Variants in KCNQ1 observed in about 807,000 individuals in gnomAD.
KCNQ1 encodes potassium voltage-gated channel subfamily Q member 1.
Under a neutral mutation model 72.4 loss-of-function variants are expected in KCNQ1, and 49 were observed. The observed-to-expected ratio is 0.68, with a 90% CI of 0.54 to 0.86. The LOEUF (loss-of-function observed/expected upper bound fraction) is 0.86. Among genes scored for constraint, KCNQ1 ranks in the 40% least tolerant of loss-of-function variants. The pLI is 0.00. For synonymous variants in KCNQ1, 450 were observed against 412.6 expected, an observed-to-expected ratio of 1.09 and a Z score of -1.10; for missense variants, 790 against 945.1, an observed-to-expected ratio of 0.84 and a Z score of 2.15.
chr11:2,745,281 G>A lies in KCNQ1; in HGVS notation c.1515-23563G>A, dbSNP rs1278763014. 6.6e-6 allele frequency among the ~76,000 whole-genome samples: 1 copy of A among 152,136 alleles called. No individual in the cohort carries two copies. Among genetic ancestry groups the A allele is most frequent in the East Asian group, 1.9e-4 (1 of 5,200 alleles). On this transcript the variant is annotated intron_variant, in intron 11 of 15. Coordinates refer to ENST00000155840, the MANE Select transcript of KCNQ1 (RefSeq NM_000218.3). This position sits in a 1 kb window ranked among gnomAD's most constrained non-coding sequence, Gnocchi z 6.2. ...GTTGCGTTTTCTCCTCCAAGAACAA[G>A]GAGTCTCTCTGCATTGAGTCAGGCC...
chr11:2,461,867 C>T lies in KCNQ1; in HGVS notation c.386+16383C>T, dbSNP rs138995771. 1.0e-3 allele frequency: 509 copies of T among 492,320 alleles called. 3 individuals are homozygous for T. The highest frequency in any genetic ancestry group is 9.7e-3 in the African/African-American group (478 of 49,368). The allele number at this position is 492,320 out of a possible 1,614,324, so 30.5% of individuals were successfully genotyped here. A position where few individuals can be genotyped will look rare whatever the true frequency, so the allele number is the denominator to read the frequency against. Reference sequence around the variant, plus strand: ...GTGGAGAGAGAAAGGGGTGGGTGGACGGAGGGATGGGCAGGGAGAGAAATG... The same window carrying T: ...GTGGAGAGAGAAAGGGGTGGGTGGATGGAGGGATGGGCAGGGAGAGAAATG... On this transcript the variant is annotated intron_variant, in intron 1 of 15. Transcript: ENST00000155840.
intron 11 of KCNQ1, chr11:2,688,011 C>G (rs1850520859): frequency 5.0e-6 from 2 of 398,626 alleles, no homozygotes; most frequent in Non-Finnish European, 8.8e-6. Flanking sequence ...GAGGGGTCAG[C>G]ACCCCTCTAG....
Position 2,494,746 on chromosome 11 carries a change from A to G in KCNQ1, c.387-33182A>G, listed in dbSNP as rs973513941. On this transcript the variant is annotated intron_variant, in intron 1 of 15. Coordinates refer to ENST00000155840, the MANE Select transcript of KCNQ1 (RefSeq NM_000218.3). This position sits in a 1 kb window ranked among gnomAD's most constrained non-coding sequence, Gnocchi z 4.6. The stretch of plus-strand genomic sequence containing the variant: ...GTGCTGCTGGATTCAGTTTGCCAGT[A>G]TTTTATTGAAGATTTTTGCATCGGT... 1.3e-5 allele frequency among the ~76,000 whole-genome samples: 2 copies of G among 152,140 alleles called. No individual in the cohort carries two copies. Among genetic ancestry groups the G allele is most frequent in the Non-Finnish European group, 2.9e-5 (2 of 68,032 alleles).
chr11:2,642,401 G>T lies in KCNQ1; in HGVS notation c.1394-19560G>T, dbSNP rs959790375. 3 of 397,828 alleles carry T rather than the reference G, an allele frequency of 7.5e-6. No homozygotes were observed. The highest frequency in any genetic ancestry group is 1.3e-5 in the Non-Finnish European group (3 of 225,754). The allele number at this position is 397,828 out of a possible 1,614,324, so 24.6% of individuals were successfully genotyped here. ...TAATGCCTTCTTGATTTCTTTCTCA[G>T]CTGGTTCTTTATTGGTATATAGAAA... is the stretch of plus-strand genomic sequence containing the variant. On this transcript the variant is annotated intron_variant, in intron 10 of 15. Transcript: ENST00000155840. The surrounding 1 kb of genome is among the most constrained non-coding windows in gnomAD (Gnocchi z 4.3).
intron 1 of KCNQ1, among the ~76,000 whole-genome samples, chr11:2,470,115 C>T (rs1358957720): frequency 2.0e-5 from 3 of 152,206 alleles, no homozygotes; most frequent in African/African-American, 7.2e-5. Context: ...CGCATGTCAC[C>T]ACGCCCGGCT....
rs11023862 is a variant in KCNQ1, at chr11:2,711,368, G to A, written c.1514+49287G>A. On this transcript the variant is annotated intron_variant, in intron 11 of 15. Transcript: ENST00000155840. This position sits in a 1 kb window ranked among gnomAD's most constrained non-coding sequence, Gnocchi z 5.4. ...GCTTCTTTGTGGTCTCCTGTCTTGC[G>A]CACTAATTGTTGCCCAAGTCTTTGC... 0.014 allele frequency among the ~76,000 whole-genome samples: 2,160 copies of A among 152,224 alleles called. 47 individuals are homozygous for A. Among genetic ancestry groups the A allele is most frequent in the African/African-American group, 0.049 (2,026 of 41,500 alleles).
intron 11 of KCNQ1, chr11:2,685,592 A>G (rs1177833871): frequency 5.0e-6 from 2 of 398,592 alleles, no homozygotes; most frequent in Non-Finnish European, 8.8e-6. Flanking sequence ...CATGACAGGA[A>G]GCTAGGAGGG....
chr11:2,789,625 AGGG>A (rs1846979583), intron 15 of KCNQ1, among the ~76,000 whole-genome samples: 1 of 152,324 alleles, frequency 6.6e-6, no homozygotes, highest in Non-Finnish European at 1.5e-5. Context: ...AAGGGAGGCC[AGGG>A]GACAGCTGCG....
intron 1 of KCNQ1, among the ~76,000 whole-genome samples, chr11:2,456,938 CAAAAA>C (rs58543586): frequency 2.7e-4 from 14 of 52,084 alleles, no homozygotes; most frequent in South Asian, 2.6e-3. Flanking sequence ...GACTCGGTCT[CAAAAA>C]AAAAAAAAAA....
rs571298726 is a variant in KCNQ1, at chr11:2,734,117, C to T, written c.1515-34727C>T. Among the ~76,000 whole-genome samples the T allele has an allele frequency of 2.0e-5, 3 of 152,256 alleles. No homozygotes were observed. The highest frequency in any genetic ancestry group is 7.2e-5 in the African/African-American group (3 of 41,540). ...GGCACAGTTTCAAGCTTGTCTAGCA[C>T]TGGCAGGGGTGGTCCTGCTCCGGCC... On this transcript the variant is annotated intron_variant, in intron 11 of 15. Transcript: ENST00000155840. The surrounding 1 kb of genome is among the most constrained non-coding windows in gnomAD (Gnocchi z 7.0).
rs1847548972 is a variant in KCNQ1 at position 2,813,992 on chromosome 11, A to G, written c.1795-33775A>G. Among the ~76,000 whole-genome samples the G allele has an allele frequency of 6.6e-6, 1 of 151,234 alleles. No individual in the cohort carries two copies. Among genetic ancestry groups the G allele is most frequent in the African/African-American group, 2.5e-5 (1 of 40,694 alleles). On this transcript the variant is annotated intron_variant, in intron 15 of 15. Coordinates refer to ENST00000155840, the MANE Select transcript of KCNQ1 (RefSeq NM_000218.3). This position sits in a 1 kb window ranked among gnomAD's most constrained non-coding sequence, Gnocchi z 4.4. ...GAGAGATGGAGGGAAGGAGGGCTGAATAAAGAAATGGATGGATGGATGGAT... is the reference window on the plus strand; with the variant it reads ...GAGAGATGGAGGGAAGGAGGGCTGAGTAAAGAAATGGATGGATGGATGGAT...
chr11:2,722,230 G>C (rs1408948700), intron 11 of KCNQ1, among the ~76,000 whole-genome samples: 1 of 152,198 alleles, frequency 6.6e-6, no homozygotes, highest in Non-Finnish European at 1.5e-5. Context: ...CAGGTGATGT[G>C]TCATCTTACC....
chr11:2,538,966 C>T lies in KCNQ1; in HGVS notation c.477+10948C>T, dbSNP rs1479066077. On this transcript the variant is annotated intron_variant, in intron 2 of 15. Coordinates refer to ENST00000155840, the MANE Select transcript of KCNQ1 (RefSeq NM_000218.3). The surrounding 1 kb of genome is among the most constrained non-coding windows in gnomAD (Gnocchi z 6.7). ...GGGCTGGAACCTGGGAACCACCAGT[C>T]AGCGTCTTTCCTCCAGGGAGGCTGT... is the stretch of plus-strand genomic sequence containing the variant. Among the ~76,000 whole-genome samples, 1 of 152,194 alleles carries T rather than the reference C, an allele frequency of 6.6e-6. No individual in the cohort carries two copies. Among genetic ancestry groups the T allele is most frequent in the Non-Finnish European group, 1.5e-5 (1 of 68,036 alleles).
At chr11:2,694,081 A>C (rs1775309700) in intron 11 of KCNQ1, 1 of 398,534 alleles carries the variant, frequency 2.5e-6, no homozygotes, top group African/African-American at 2.1e-5. Context: ...AGTTCCAACT[A>C]AACCTCTGGG....
chr11:2,753,549 G>A (rs1846257575), intron 11 of KCNQ1, among the ~76,000 whole-genome samples: 1 of 152,234 alleles, frequency 6.6e-6, no homozygotes, highest in Non-Finnish European at 1.5e-5. Context: ...TGCCACCTGG[G>A]AGTGATCTGG....
chr11:2,660,944 A>T (rs562642938), intron 10 of KCNQ1: 4 of 398,564 alleles, frequency 1.0e-5, no homozygotes, highest in Non-Finnish European at 1.8e-5. Context: ...GATATACAGA[A>T]TGGTTAGCTG....
rs149377417 is a variant in KCNQ1 at position 2,592,627 on chromosome 11, TG to T, written c.1393+3777del. Among the ~76,000 whole-genome samples, 150 of 152,260 alleles carry T rather than the reference TG, an allele frequency of 9.9e-4. 3 individuals are homozygous for T. In the South Asian group the frequency reaches 0.025, roughly 26 times the overall value. ...TCACAGACTCCTCATGAAGGATGCA[TG>T]GGGACCCAACCGCATGCCACTTGGC... On this transcript the variant is annotated intron_variant, in intron 10 of 15. Transcript: ENST00000155840. This position sits in a 1 kb window ranked among gnomAD's most constrained non-coding sequence, Gnocchi z 5.2.
intron 11 of KCNQ1, chr11:2,684,997 C>A: frequency 2.5e-6 from 1 of 398,666 alleles, no homozygotes; most frequent in South Asian, 1.3e-4. Flanking sequence ...GGTTGCTTTT[C>A]ATTCATATCT....
intron 1 of KCNQ1, among the ~76,000 whole-genome samples, chr11:2,517,789 C>T (rs184097176): frequency 2.6e-5 from 4 of 152,312 alleles, no homozygotes; most frequent in Non-Finnish European, 5.9e-5. Flanking sequence ...TGCCTGCGCC[C>T]GCAGCTCACG....
Sources: gnomAD v4.1 joint callset for allele counts (sites outside exome capture counted in the v4.1 genomes callset) on GRCh38, gnomAD v4.1.1 for gene constraint, Gnocchi (gnomAD v3.1) non-coding constraint, MANE v1.5 for transcripts, NCBI Gene and HGNC (gene_info 2026-07-23, HGNC 2026-07-21) for gene names.